The following SYNJ1 variants were observed in gnomAD, a reference collection of about 807,000 sequenced individuals.
The protein encoded by SYNJ1 is polyphosphatidylinositol phosphatase SYNJ1.
Under a neutral mutation model 168.2 loss-of-function variants are expected in SYNJ1, and 78 were observed. The ratio of observed to expected loss-of-function variants is 0.46; its 90% CI spans 0.39 to 0.56. The LOEUF (loss-of-function observed/expected upper bound fraction) is 0.56. SYNJ1 is among the 20% of genes least tolerant of loss of function. The pLI, the probability that SYNJ1 is intolerant of heterozygous loss-of-function variation, is 0.00. For missense variants in SYNJ1, 1,303 were observed against 1,597.6 expected, an observed-to-expected ratio of 0.82 and a Z score of 3.14; for synonymous variants, 539 against 548.6, an observed-to-expected ratio of 0.98 and a Z score of 0.24.
At chr21:32,647,556 CCTT>C (rs1279119024) in intron 23 of SYNJ1, among the ~76,000 whole-genome samples, 2 of 152,190 alleles carry the variant, frequency 1.3e-5, no homozygotes, top group African/African-American at 4.8e-5. Context: ...CTTGGCTACT[CCTT>C]CTCTTTTGAT....
At chr21:32,634,547 C>T (rs1233109786) in intron 32 of SYNJ1, among the ~76,000 whole-genome samples, 2 of 152,022 alleles carry the variant, frequency 1.3e-5, no homozygotes, top group Admixed American at 6.6e-5. Flanking sequence ...AACCAAGAAC[C>T]GATCTGGTTT....
intron 26 of SYNJ1, 28 bp from the exon 27 acceptor site, chr21:32,643,485 T>C: frequency 6.2e-7 from 1 of 1,609,688 alleles, no homozygotes; most frequent in Non-Finnish European, 8.5e-7. Context: ...AGAAACTATA[T>C]ATTGTTCAGG....
chr21:32,634,842 T>C lies in SYNJ1; in HGVS notation c.*3+19A>G, dbSNP rs201889133. ...GAGACGGATGAAAACACATGTAAGA[T>C]TGATAAATTGTCAGATACCTGTTAC... is the stretch of plus-strand genomic sequence containing the variant. On this transcript the variant is annotated intron_variant, in intron 32 of 32. Coordinates refer to ENST00000674351, the MANE Select transcript of SYNJ1 (RefSeq NM_203446.3). 1.1e-5 allele frequency: 18 copies of C among 1,613,220 alleles called. No individual in the cohort carries two copies. The highest frequency in any genetic ancestry group is 2.2e-5 in the East Asian group (1 of 44,842).
intron 22 of SYNJ1, among the ~76,000 whole-genome samples, chr21:32,652,462 A>G (rs745708281): frequency 6.6e-6 from 1 of 152,178 alleles, no homozygotes; most frequent in Non-Finnish European, 1.5e-5. Flanking sequence ...CGGCCTCCCA[A>G]AGTGCTGGGA....
intron 31 of SYNJ1, among the ~76,000 whole-genome samples, chr21:32,636,324 C>T (rs926377858): frequency 2.6e-5 from 4 of 152,050 alleles, no homozygotes; most frequent in Admixed American, 6.6e-5. Context: ...TTGTAAAGGA[C>T]GTATAACATG....
chr21:32,714,846 A>G (rs2042965483), intron 2 of SYNJ1, among the ~76,000 whole-genome samples: 1 of 152,218 alleles, frequency 6.6e-6, no homozygotes, highest in South Asian at 2.1e-4. Flanking sequence ...TTTTTGGTTC[A>G]GGAATACACA....
Position 32,665,178 on chromosome 21 carries a change from T to G in SYNJ1, c.2146-107A>C, listed in dbSNP as rs146539529. 3.9e-4 allele frequency: 457 copies of G among 1,171,766 alleles called. 2 individuals are homozygous for G. In the Middle Eastern group the frequency reaches 4.5e-3, roughly 11 times the overall value. 72.6% of individuals were successfully genotyped at this position (1,171,766 alleles called of 1,614,324 possible). A position where few individuals can be genotyped will look rare whatever the true frequency, so the allele number is the denominator to read the frequency against. ...TGCTTGTCTCCTCCCATGTCCTGTT[T>G]CTTTGACCCAACAGTAATAACACAT... On this transcript the variant is annotated intron_variant, in intron 17 of 32. Coordinates refer to ENST00000674351, the MANE Select transcript of SYNJ1 (RefSeq NM_203446.3).
chr21:32,691,613 A>C (rs1229852570), intron 6 of SYNJ1, among the ~76,000 whole-genome samples: 1 of 152,228 alleles, frequency 6.6e-6, no homozygotes, highest in Non-Finnish European at 1.5e-5. Context: ...GGAAAATCAC[A>C]AGTCAAAGGA....
At chr21:32,645,239 G>A (rs2040009296) in intron 25 of SYNJ1, among the ~76,000 whole-genome samples, 1 of 152,094 alleles carries the variant, frequency 6.6e-6, no homozygotes, top group Admixed American at 6.6e-5. Flanking sequence ...TAATACGTAT[G>A]CTCTCCAGTT....
At chr21:32,678,896 T>C (rs2146026860) in intron 11 of SYNJ1, 95 bp from the exon 12 acceptor site, 2 of 1,510,644 alleles carry the variant, frequency 1.3e-6, no homozygotes. Context: ...CAGTTTTATA[T>C]GATTTTAGTA....
chr21:32,697,007 A>T (rs1020865344), intron 4 of SYNJ1, among the ~76,000 whole-genome samples: 1 of 152,202 alleles, frequency 6.6e-6, no homozygotes, highest in African/African-American at 2.4e-5. Flanking sequence ...CACAGCTGAG[A>T]CCTACGCCAC....
At chr21:32,724,395 G>GGAGAA (rs2043366937) in intron 2 of SYNJ1, among the ~76,000 whole-genome samples, 2 of 152,238 alleles carry the variant, frequency 1.3e-5, no homozygotes, top group South Asian at 4.1e-4. Flanking sequence ...GGCCGAGGCA[G>GGAGAA]GAGAACCACT....
intron 4 of SYNJ1, 79 bp downstream of exon 4, chr21:32,699,759 G>T: frequency 1.3e-6 from 2 of 1,508,980 alleles, no homozygotes; most frequent in Non-Finnish European, 1.8e-6. Flanking sequence ...TTGCTGTCAC[G>T]GTGAGGAGGT....
intron 5 of SYNJ1, 106 bp from the exon 6 acceptor site, chr21:32,694,417 T>A: frequency 1.3e-6 from 1 of 797,054 alleles, no homozygotes; most frequent in East Asian, 3.3e-5. Flanking sequence ...TTACATTTTA[T>A]GATCTAACTC....
At chr21:32,728,203 C>T, upstream of SYNJ1, 1 of 799,118 alleles carries the variant, frequency 1.3e-6, no homozygotes, top group Non-Finnish European at 1.9e-6. Flanking sequence ...CGCCCCCAGG[C>T]AGAGCTGCGA....
chr21:32,655,935 C>T (rs1226039108), intron 21 of SYNJ1, among the ~76,000 whole-genome samples: 1 of 152,188 alleles, frequency 6.6e-6, no homozygotes, highest in Admixed American at 6.5e-5. Flanking sequence ...CATCACATCT[C>T]TGTTAGAAAT....
At chr21:32,669,216 C>T (rs844996) in intron 15 of SYNJ1, among the ~76,000 whole-genome samples, 138,972 of 152,252 alleles carry the variant, frequency 0.91, 63,484 homozygotes, top group East Asian at 0.99. Context: ...ATACAATTTT[C>T]CCTTAAAAGA....
chr21:32,686,450 T>G (rs2041840686), intron 8 of SYNJ1, among the ~76,000 whole-genome samples: 2 of 152,202 alleles, frequency 1.3e-5, no homozygotes, highest in African/African-American at 2.4e-5. Context: ...ATTAATTCAT[T>G]ATTAATTCAA....
intron 29 of SYNJ1, among the ~76,000 whole-genome samples, chr21:32,640,961 T>C (rs1421137851): frequency 6.6e-6 from 1 of 152,232 alleles, no homozygotes; most frequent in Non-Finnish European, 1.5e-5. Flanking sequence ...AGAAAGTTCT[T>C]GTGCCAAGTG....
Sources: gnomAD v4.1 joint callset for allele counts (sites outside exome capture counted in the v4.1 genomes callset) on GRCh38, gnomAD v4.1.1 for gene constraint, MANE v1.5 for transcripts, NCBI Gene and HGNC (gene_info 2026-07-23, HGNC 2026-07-21) for gene names.